PIK3R4: variants seen among roughly 807,000 people sequenced by gnomAD.
The protein encoded by PIK3R4 is phosphoinositide-3-kinase regulatory subunit 4.
Under a neutral mutation model 136.5 loss-of-function variants are expected in PIK3R4, and 46 were observed. The observed-to-expected ratio is 0.34, with a 90% CI of 0.27 to 0.43. The LOEUF is 0.43. Ranked by LOEUF, PIK3R4 falls within the 20% of genes least tolerant of loss-of-function variation. PIK3R4 has a pLI of 1.00. For missense variants in PIK3R4, 1,331 were observed against 1,649.5 expected (o/e 0.81, Z 3.35); for synonymous variants, 557 against 566.7 (o/e 0.98, Z 0.24).
intron 16 of PIK3R4, among the ~76,000 whole-genome samples, chr3:130,683,662 G>A (rs2066472029): frequency 6.6e-6 from 1 of 152,118 alleles, no homozygotes; most frequent in Non-Finnish European, 1.5e-5. Flanking sequence ...GGGCTGAGGG[G>A]AAAACCTAAG....
rs1470075600 is a variant in PIK3R4, at chr3:130,745,321, C to T, written c.-46-57G>A. Reference sequence around the variant, plus strand: ...GACAAGAAACAAAGAAGCTGTGAAACACCATTATTCCATTATTTGGTCTCT... The same window carrying T: ...GACAAGAAACAAAGAAGCTGTGAAATACCATTATTCCATTATTTGGTCTCT... On this transcript the variant is annotated intron_variant, in intron 1 of 19. Coordinates refer to ENST00000356763, the MANE Select transcript of PIK3R4 (RefSeq NM_014602.3). The T allele has an allele frequency of 2.5e-6, 3 of 1,178,300 alleles. No homozygotes were observed. The African/African-American group carries it at 4.6e-5, about 18-fold the overall frequency. The allele number at this position is 1,178,300 out of a possible 1,614,324, so 73.0% of individuals were successfully genotyped here.
intron 15 of PIK3R4, 60 bp downstream of exon 15, chr3:130,686,151 C>A: frequency 1.0e-6 from 1 of 979,808 alleles, no homozygotes; most frequent in East Asian, 2.5e-5. Context: ...TTTCACAAGA[C>A]AGCAATTGCA....
intron 4 of PIK3R4, among the ~76,000 whole-genome samples, chr3:130,731,868 A>G (rs2066761703): frequency 6.6e-6 from 1 of 152,220 alleles, no homozygotes; most frequent in Non-Finnish European, 1.5e-5. Context: ...GTGGTGGCAC[A>G]CACCTATAGT....
intron 9 of PIK3R4, among the ~76,000 whole-genome samples, chr3:130,709,984 A>G (rs529378202): frequency 2.0e-5 from 3 of 152,272 alleles, no homozygotes; most frequent in African/African-American, 7.2e-5. Context: ...AAAAACCAGC[A>G]AGTTGTACAC....
At chr3:130,700,739 C>T (rs974855522) in intron 13 of PIK3R4, among the ~76,000 whole-genome samples, 12 of 152,294 alleles carry the variant, frequency 7.9e-5, no homozygotes, top group African/African-American at 2.9e-4. Context: ...CTTTGCTGTT[C>T]TTTCCCTGCC....
At position 130,681,393 on chromosome 3, in the gene PIK3R4, C is replaced by G. The variant is rs1296031480; in HGVS notation, c.3708+98G>C. The stretch of plus-strand genomic sequence containing the variant: ...ATTAAAAACCCAAATTTAAACATAA[C>G]CCAAAAGCCCAACAGATACTAGGTT... On this transcript the variant is annotated intron_variant, in intron 17 of 19. Coordinates refer to ENST00000356763, the MANE Select transcript of PIK3R4 (RefSeq NM_014602.3). 7 of 823,704 alleles carry G rather than the reference C, an allele frequency of 8.5e-6. No homozygotes were observed. In the African/African-American group the frequency reaches 1.0e-4, roughly 12 times the overall value. 51.0% of individuals were successfully genotyped at this position (823,704 alleles called of 1,614,324 possible).
At chr3:130,702,200 T>C (rs942319784) in intron 13 of PIK3R4, among the ~76,000 whole-genome samples, 4 of 152,120 alleles carry the variant, frequency 2.6e-5, no homozygotes, top group Non-Finnish European at 4.4e-5. Flanking sequence ...GAAAAATGAA[T>C]AGTTATAAAA....
intron 13 of PIK3R4, among the ~76,000 whole-genome samples, chr3:130,694,046 C>T (rs1443652465): frequency 6.8e-6 from 1 of 147,136 alleles, no homozygotes; most frequent in Non-Finnish European, 1.5e-5. Context: ...ACACCTCTGT[C>T]AAAAAAAAAA....
chr3:130,713,418 T>A (rs1437462392), intron 9 of PIK3R4, among the ~76,000 whole-genome samples: 1 of 151,240 alleles, frequency 6.6e-6, no homozygotes, highest in Non-Finnish European at 1.5e-5. Flanking sequence ...GGTCAGGGAG[T>A]TTTAGTGATT....
intron 6 of PIK3R4, among the ~76,000 whole-genome samples, chr3:130,726,729 T>C (rs1015427327): frequency 6.6e-6 from 1 of 152,010 alleles, no homozygotes; most frequent in Non-Finnish European, 1.5e-5. Flanking sequence ...TATAAGCATA[T>C]TTATTTTTTA....
chr3:130,708,690 C>T (rs1559824555), intron 9 of PIK3R4, among the ~76,000 whole-genome samples, 198 bp from the exon 10 acceptor site: 1 of 152,112 alleles, frequency 6.6e-6, no homozygotes, highest in Non-Finnish European at 1.5e-5. Context: ...TCCCAGAACA[C>T]TCTATTAGGG....
intron 3 of PIK3R4, among the ~76,000 whole-genome samples, chr3:130,735,125 A>C (rs1238386985): frequency 6.6e-6 from 1 of 152,228 alleles, no homozygotes; most frequent in Non-Finnish European, 1.5e-5. Context: ...TGTTCAATAA[A>C]TATGGCCTCA....
intron 2 of PIK3R4, among the ~76,000 whole-genome samples, chr3:130,736,774 G>C (rs1304552330): frequency 6.6e-6 from 1 of 151,846 alleles, no homozygotes; most frequent in East Asian, 1.9e-4. Flanking sequence ...TTATGCCCTA[G>C]GCACAAGCAG....
intron 11 of PIK3R4, among the ~76,000 whole-genome samples, chr3:130,706,510 T>C (rs1422900623): frequency 6.6e-6 from 1 of 152,152 alleles, no homozygotes; most frequent in Non-Finnish European, 1.5e-5. Flanking sequence ...AGTCTAACCA[T>C]TGTTAAGTCA....
chr3:130,730,252 T>C (rs2066754345), intron 5 of PIK3R4, 56 bp downstream of exon 5: 1 of 1,378,414 alleles, frequency 7.3e-7, no homozygotes, highest in South Asian at 1.3e-5. Context: ...TTTTACAAGT[T>C]AGCATCAGCA....
chr3:130,681,848 C>T (rs1478851503), intron 16 of PIK3R4, among the ~76,000 whole-genome samples: 3 of 152,126 alleles, frequency 2.0e-5, no homozygotes, highest in Non-Finnish European at 2.9e-5. Flanking sequence ...TTTCATGGAA[C>T]TTCCATTTTA....
intron 13 of PIK3R4, among the ~76,000 whole-genome samples, chr3:130,701,010 T>TC (rs1351938862): frequency 8.5e-5 from 13 of 152,140 alleles, no homozygotes; most frequent in African/African-American, 2.9e-4. Flanking sequence ...TGGGGGATAT[T>TC]ATCTGAAATG....
chr3:130,704,333 T>C (rs1193455474), intron 12 of PIK3R4, among the ~76,000 whole-genome samples: 2 of 152,224 alleles, frequency 1.3e-5, no homozygotes, highest in African/African-American at 4.8e-5. Context: ...CTTTTCACTG[T>C]TTTTAAAGTT....
chr3:130,705,523 T>C (rs536907297), intron 12 of PIK3R4, 38 bp downstream of exon 12: 2 of 1,333,320 alleles, frequency 1.5e-6, no homozygotes, highest in Non-Finnish European at 2.2e-6. Flanking sequence ...CTTAAGCACC[T>C]AGACTAGACT....
Sources: allele counts gnomAD v4.1 joint callset (sites outside exome capture counted in the v4.1 genomes callset), GRCh38; gene constraint gnomAD v4.1.1; transcripts MANE v1.5; gene names NCBI Gene and HGNC (gene_info 2026-07-23, HGNC 2026-07-21).